RET: variants seen among roughly 807,000 people sequenced by gnomAD.
The protein encoded by RET is ret proto-oncogene.
In RET, 19 loss-of-function variants were observed where a neutral mutation model predicts 118.3. The observed-to-expected ratio is 0.16, with a 90% CI of 0.11 to 0.24. RET has a LOEUF of 0.24. Among genes scored for constraint, RET ranks in the 10% least tolerant of loss-of-function variants. RET has a pLI of 1.00. For synonymous variants in RET, 597 were observed against 644.1 expected (o/e 0.93, Z 1.11); for missense variants, 1,219 against 1,502.1 (o/e 0.81, Z 3.12).
At chr10:43,103,412 G>A (rs1588864710) in intron 3 of RET, among the ~76,000 whole-genome samples, 1 of 152,154 alleles carries the variant, frequency 6.6e-6, no homozygotes. Flanking sequence ...TGGAAGCCGA[G>A]GCATGGCGAG....
chr10:43,082,214 C>G (rs1418072044), intron 1 of RET, among the ~76,000 whole-genome samples: 1 of 152,198 alleles, frequency 6.6e-6, no homozygotes, highest in Non-Finnish European at 1.5e-5. Context: ...CACAGCTCCT[C>G]CTGGCTGGGC....
Position 43,102,491 on chromosome 10 carries a change from C to A in RET, c.487C>A (p.Arg163=), listed in dbSNP as rs371153966. 94 of 1,614,222 alleles carry A rather than the reference C, an allele frequency of 5.8e-5. No homozygotes were observed. The African/African-American group carries it at 1.0e-3, about 18-fold the overall frequency. Reference sequence around the variant, plus strand: ...TCCAGCCTGCAGCTCCCTCAAGCCCCGGGAGCTCTGCTTCCCAGAGACAAG... The same window carrying A: ...TCCAGCCTGCAGCTCCCTCAAGCCCAGGGAGCTCTGCTTCCCAGAGACAAG... The part of the protein sequence containing the change: ...SFPACSSLKP[R]ELCFPETRPS... The change falls in exon 3 of 20, where the codon CGG becomes AGG. Residue 163 remains arginine, a synonymous_variant. Coordinates refer to ENST00000355710, the MANE Select transcript of RET (RefSeq NM_020975.6).
intron 17 of RET, among the ~76,000 whole-genome samples, 172 bp downstream of exon 17, chr10:43,123,980 G>T (rs1239475307): frequency 6.6e-6 from 1 of 152,250 alleles, no homozygotes; most frequent in East Asian, 1.9e-4. Context: ...GATGCTGGGG[G>T]TCCTACCCCA....
Position 43,128,504 on chromosome 10 carries a change from T to G in RET, c.*235T>G, listed in dbSNP as rs750235070. Reference sequence around the variant, plus strand: ...GGGTAAGAGCTCTGAGTCTTAGTGGTTAAGCATTCCTTTCTCTTCAGTGCC... The same window carrying G: ...GGGTAAGAGCTCTGAGTCTTAGTGGGTAAGCATTCCTTTCTCTTCAGTGCC... On this transcript the variant is annotated 3_prime_UTR_variant, in exon 20 of 20. Coordinates refer to ENST00000355710, the MANE Select transcript of RET (RefSeq NM_020975.6). The G allele has an allele frequency of 3.4e-6, 2 of 592,352 alleles. No individual in the cohort carries two copies. 36.7% of individuals were successfully genotyped at this position (592,352 alleles called of 1,614,324 possible).
rs1262183810 is a variant in RET, at chr10:43,116,611, A to G, written c.2164A>G (p.Lys722Glu). ...GGATCCAAAGTGGGAATTCCCTCGG[A>G]AGAACTTGGTTCTTGGAAAAACTCT... ...LEDPKWEFPR[K>E]NLVLGKTLGE... The change falls in exon 12 of 20, where the codon AAG becomes GAG. Residue 722 changes from lysine to glutamate, a missense_variant. Lys to Glu is a moderately conservative substitution (Grantham distance 56, BLOSUM62 1). Around this residue, in one of 5 missense-constraint regions of RET, gnomAD observed 850 missense variants for 969.6 expected, o/e 0.88. Transcript: ENST00000355710. 2 of 1,613,914 alleles carry G rather than the reference A, an allele frequency of 1.2e-6. No individual in the cohort carries two copies. The highest frequency in any genetic ancestry group is 1.3e-5 in the African/African-American group (1 of 74,878).
In RET at chr10:43,114,514, C is replaced by G. The variant is rs375041479; in HGVS notation, c.1914C>G (p.Ile638Met). The G allele has an allele frequency of 6.2e-7, 1 of 1,608,782 alleles. No individual in the cohort carries two copies. Among genetic ancestry groups the G allele is most frequent in the Non-Finnish European group, 8.5e-7 (1 of 1,179,950 alleles). The change falls in exon 11 of 20, where the codon ATC becomes ATG. Residue 638 changes from isoleucine to methionine, a missense_variant. Physicochemically the swap from Ile to Met is conservative, Grantham distance 10. Transcript: ENST00000355710. This position sits in a 1 kb window ranked among gnomAD's most constrained non-coding sequence, Gnocchi z 4.6. ...GCGACGAGCTGTGCCGCACGGTGATCGCAGCCGCTGTCCTCTTCTCCTTCA... is the reference window on the plus strand; with the variant it reads ...GCGACGAGCTGTGCCGCACGGTGATGGCAGCCGCTGTCCTCTTCTCCTTCA... ...PLCDELCRTVIAAAVLFSFIV... is the reference protein window; with the variant it reads ...PLCDELCRTVMAAAVLFSFIV...
At chr10:43,078,739 G>A (rs1474501238) in intron 1 of RET, among the ~76,000 whole-genome samples, 2 of 152,226 alleles carry the variant, frequency 1.3e-5, no homozygotes, top group Non-Finnish European at 2.9e-5. Context: ...CAGTTGGGGT[G>A]GCCAGTGAGG....
At position 43,102,369 on chromosome 10, in the gene RET, A is replaced by G; in HGVS notation, c.365A>G (p.Tyr122Cys). 2 of 1,614,154 alleles carry G rather than the reference A, an allele frequency of 1.2e-6. No individual in the cohort carries two copies. Among genetic ancestry groups the G allele is most frequent in the Non-Finnish European group, 1.7e-6 (2 of 1,180,026 alleles). The change falls in exon 3 of 20, where the codon TAC (tyrosine) becomes TGC (cysteine). Residue 122 changes from tyrosine (Y) to cysteine (C), a missense_variant. This residue lies in a region of RET where 84 missense variants were observed against 163.6 expected (regional missense o/e 0.51). Transcript: ENST00000355710. ...RNRGFPLLTV[Y>C]LKVFLSPTSL... ...CGCGGCTTTCCCCTGCTCACCGTCT[A>G]CCTCAAGGTCTTCCTGTCACCCACA...
intron 19 of RET, chr10:43,127,161 C>T: frequency 1.8e-6 from 2 of 1,108,024 alleles, no homozygotes; most frequent in East Asian, 9.4e-5. Context: ...CAGCCAGGTT[C>T]CCCCAGACCC....
chr10:43,097,172 G>A (rs1434146274), intron 1 of RET, among the ~76,000 whole-genome samples: 3 of 152,176 alleles, frequency 2.0e-5, no homozygotes, highest in South Asian at 2.1e-4. Flanking sequence ...GCTTTGGGAA[G>A]CCCAGGCCTG....
intron 1 of RET, among the ~76,000 whole-genome samples, chr10:43,081,905 C>T (rs1837192915): frequency 1.3e-5 from 2 of 152,220 alleles, no homozygotes; most frequent in South Asian, 2.1e-4. Flanking sequence ...CTTCTCCTGA[C>T]CAAGGCTCTG....
intron 17 of RET, 143 bp downstream of exon 17, chr10:43,123,951 A>G (rs1838276923): frequency 7.8e-6 from 10 of 1,286,874 alleles, no homozygotes; most frequent in Admixed American, 3.8e-5. Context: ...TTAGAGAGCC[A>G]TCCTTGGGTG....
chr10:43,086,917 G>A (rs1405745958), intron 1 of RET, among the ~76,000 whole-genome samples: 1 of 152,218 alleles, frequency 6.6e-6, no homozygotes, highest in Non-Finnish European at 1.5e-5. Flanking sequence ...GGGCTGCCAG[G>A]TCCCCCAGTG....
At chr10:43,121,433 T>TG (rs1838215411) in intron 15 of RET, among the ~76,000 whole-genome samples, 1 of 152,110 alleles carries the variant, frequency 6.6e-6, no homozygotes, top group Non-Finnish European at 1.5e-5. Context: ...TGTAGGGGGC[T>TG]GGGGGCACTC....
At chr10:43,092,713 C>G (rs1031240347) in intron 1 of RET, among the ~76,000 whole-genome samples, 4 of 152,226 alleles carry the variant, frequency 2.6e-5, no homozygotes, top group African/African-American at 9.6e-5. Flanking sequence ...CCCAGGGCTC[C>G]TCAGGCACTG....
At chr10:43,116,057 G>A (rs1838062813) in intron 11 of RET, among the ~76,000 whole-genome samples, 1 of 152,230 alleles carries the variant, frequency 6.6e-6, no homozygotes, top group Non-Finnish European at 1.5e-5. Flanking sequence ...ATCCGGAGCA[G>A]TCCCAAGTGG....
In RET at chr10:43,129,453, T is replaced by G. The variant is rs1838401986; in HGVS notation, c.*1184T>G. 1 of 233,844 alleles carries G rather than the reference T, an allele frequency of 4.3e-6. No individual in the cohort carries two copies. The highest frequency in any genetic ancestry group is 1.8e-4 in the South Asian group (1 of 5,532). 14.5% of individuals were successfully genotyped at this position (233,844 alleles called of 1,614,324 possible). A position where few individuals can be genotyped will look rare whatever the true frequency, so the allele number is the denominator to read the frequency against. On this transcript the variant is annotated 3_prime_UTR_variant, in exon 20 of 20. Transcript: ENST00000355710. The stretch of plus-strand genomic sequence containing the variant: ...TAATGCTGCTACAAGATGTTTCTGT[T>G]TCTTAGATTCTGACCATGACTCATA...
In RET at chr10:43,103,291, T is replaced by C. The variant is rs116134825; in HGVS notation, c.625+662T>C. Among the ~76,000 whole-genome samples, 966 of 152,102 alleles carry C rather than the reference T, an allele frequency of 6.4e-3. 10 individuals carry two copies. The highest frequency in any genetic ancestry group is 0.022 in the African/African-American group (919 of 41,476). On this transcript the variant is annotated intron_variant, in intron 3 of 19. Transcript: ENST00000355710. ...TAAAAGGATTAGTCAGACTACTGTGTTAGGAATGGTTTGGGGTGGGAAGGT... is the reference window on the plus strand; with the variant it reads ...TAAAAGGATTAGTCAGACTACTGTGCTAGGAATGGTTTGGGGTGGGAAGGT...
chr10:43,119,426 C>T, intron 13 of RET, 105 bp from the exon 14 acceptor site: 1 of 861,586 alleles, frequency 1.2e-6, no homozygotes. Context: ...CCCCCTTACT[C>T]ATTGGGTGGC....
Sources: gnomAD v4.1 joint callset for allele counts (sites outside exome capture counted in the v4.1 genomes callset) on GRCh38, gnomAD v4.1.1 for gene constraint, gnomAD v4.1.1 regional missense constraint, Gnocchi (gnomAD v3.1) non-coding constraint, MANE v1.5 for transcripts, NCBI Gene and HGNC (gene_info 2026-07-23, HGNC 2026-07-21) for gene names.